Variants in GJA9 observed in about 807,000 individuals in gnomAD.
The protein encoded by GJA9 is gap junction protein alpha 9, also known as gap junction alpha-9 protein.
A neutral mutation model predicts 0.4 loss-of-function variants in GJA9; 1 was observed. The observed-to-expected ratio is 2.50, with a 90% CI of 0.89 to 11.88. GJA9 has a LOEUF of 11.88. GJA9 is among the 30% of genes most tolerant of loss of function. The pLI is 0.12. For missense variants in GJA9, 550 were observed against 602.8 expected (o/e 0.91, Z 0.92); for synonymous variants, 190 against 219.1 (o/e 0.87, Z 1.17).
rs1642542033 is a variant in GJA9 at position 38,874,496 on chromosome 1, G to C, written c.*55C>G. On this transcript the variant is annotated 3_prime_UTR_variant, in exon 2 of 2. Coordinates refer to ENST00000357771, the MANE Select transcript of GJA9 (RefSeq NM_030772.5). Reference sequence around the variant, plus strand: ...CCTATCTATTTTTTCTGTGCCCCACGACCACTAGGCTACTTCTCTGATAAT... The same window carrying C: ...CCTATCTATTTTTTCTGTGCCCCACCACCACTAGGCTACTTCTCTGATAAT... 7.2e-7 allele frequency: 1 copy of C among 1,386,548 alleles called. No homozygotes were observed. Among genetic ancestry groups the C allele is most frequent in the Non-Finnish European group, 1.0e-6 (1 of 999,046 alleles). The allele number at this position is 1,386,548 out of a possible 1,614,324, so 85.9% of individuals were successfully genotyped here.
At chr1:38,881,114 A>G (rs1046142932) in intron 1 of GJA9, among the ~76,000 whole-genome samples, 1 of 152,198 alleles carries the variant, frequency 6.6e-6, no homozygotes. Context: ...TGAAAATATT[A>G]ACGGTGATTA....
chr1:38,878,056 C>A (rs74898928), intron 1 of GJA9, among the ~76,000 whole-genome samples: 3,553 of 151,428 alleles, frequency 0.023, 143 homozygotes, highest in African/African-American at 0.079. Context: ...TTATACTTTA[C>A]TATGAAAAAG....
At position 38,876,210 on chromosome 1, in the gene GJA9, A is replaced by G; in HGVS notation, c.-95-17T>C. The G allele has an allele frequency of 1.2e-6, 1 of 806,774 alleles. No homozygotes were observed. Among genetic ancestry groups the G allele is most frequent in the Non-Finnish European group, 2.0e-6 (1 of 492,760 alleles). 50.0% of individuals were successfully genotyped at this position (806,774 alleles called of 1,614,324 possible). A position where few individuals can be genotyped will look rare whatever the true frequency, so the allele number is the denominator to read the frequency against. On this transcript the variant is annotated splice_polypyrimidine_tract_variant and intron_variant, in intron 1 of 1. Coordinates refer to ENST00000357771, the MANE Select transcript of GJA9 (RefSeq NM_030772.5). Reference sequence around the variant, plus strand: ...AAAGCAAACCTATGGTGAAAATATAACAATATGTCACTTCTATATGCTGGT... The same window carrying G: ...AAAGCAAACCTATGGTGAAAATATAGCAATATGTCACTTCTATATGCTGGT...
intron 1 of GJA9, among the ~76,000 whole-genome samples, chr1:38,878,216 C>T (rs948614641): frequency 2.0e-5 from 3 of 151,764 alleles, no homozygotes; most frequent in African/African-American, 7.3e-5. Context: ...GTAGCTGAGA[C>T]TACAGGCAAG....
chr1:38,880,630 A>T (rs967625602), intron 1 of GJA9, among the ~76,000 whole-genome samples: 6 of 151,364 alleles, frequency 4.0e-5, no homozygotes, highest in African/African-American at 1.5e-4. Flanking sequence ...AAAAATACAA[A>T]AATTAGCCGG....
chr1:38,874,751 C>T lies in GJA9; in HGVS notation c.1348G>A (p.Gly450Ser), dbSNP rs148366607. 196 of 1,614,032 alleles carry T rather than the reference C, an allele frequency of 1.2e-4. No homozygotes were observed. The highest frequency in any genetic ancestry group is 1.6e-4 in the Non-Finnish European group (183 of 1,180,034). ...GAAGGAGGAAGGGTTCTGACTGTGC[C>T]CTTTCTGAACTGGCCCTTGAGGTTA... Reference protein sequence around the residue: ...KGNLKGQFRKGTVRTLPPSQG... With the variant: ...KGNLKGQFRKSTVRTLPPSQG... The change falls in exon 2 of 2, where the codon GGC becomes AGC. Residue 450 changes from glycine (G) to serine (S), a missense_variant. By Grantham distance (56) the Gly-to-Ser change is moderately conservative. Transcript: ENST00000357771.
At chr1:38,880,744 T>C (rs1219678402) in intron 1 of GJA9, among the ~76,000 whole-genome samples, 7 of 151,980 alleles carry the variant, frequency 4.6e-5, no homozygotes, top group Admixed American at 4.6e-4. Flanking sequence ...ATCTGGCCAC[T>C]GCATTCCAGC....
rs1642554075 is a variant in GJA9, at chr1:38,874,927, G to A, written c.1172C>T (p.Pro391Leu). The A allele has an allele frequency of 6.2e-7, 1 of 1,614,044 alleles. No individual in the cohort carries two copies. The highest frequency in any genetic ancestry group is 8.5e-7 in the Non-Finnish European group (1 of 1,180,034). ...NYYSRGHRSI[P>L]GVAIDGENNM... Reference sequence around the variant, plus strand: ...GTTCTCTCCATCTATAGCAACACCTGGAATAGAACGGTGACCTCTAGAGTA... The same window carrying A: ...GTTCTCTCCATCTATAGCAACACCTAGAATAGAACGGTGACCTCTAGAGTA... The change falls in exon 2 of 2, where the codon CCA becomes CTA. Residue 391 changes from proline (P) to leucine (L), a missense_variant. Physicochemically the swap from Pro to Leu is moderately conservative, Grantham distance 98. Transcript: ENST00000357771.
Position 38,874,843 on chromosome 1 carries a change from G to C in GJA9, c.1256C>G (p.Pro419Arg), listed in dbSNP as rs759501444. ...ACCCCATGTAGCTCTAAGCCACCGC[G>C]GTTTCCAATCGCAGTTAGCTGGCAA... is the stretch of plus-strand genomic sequence containing the variant. ...FSLPANCDWKPRWLRATWGSS... is the reference protein window; with the variant it reads ...FSLPANCDWKRRWLRATWGSS... Residue 419 changes from proline to arginine, a missense_variant, in exon 2 of 2, where the codon CCG becomes CGG. Coordinates refer to ENST00000357771, the MANE Select transcript of GJA9 (RefSeq NM_030772.5). 9.9e-6 allele frequency: 16 copies of C among 1,614,090 alleles called. 1 individual carries two copies. The South Asian group carries it at 1.8e-4, about 18-fold the overall frequency.
In GJA9 at chr1:38,875,657, G is replaced by C; in HGVS notation, c.442C>G (p.Pro148Ala). 1 of 1,614,192 alleles carries C rather than the reference G, an allele frequency of 6.2e-7. No homozygotes were observed. Among genetic ancestry groups the C allele is most frequent in the Admixed American group, 1.7e-5 (1 of 60,018 alleles). ...QLEKRKLNKA[P>A]LRGTLLCTYV... ...GTGCAAAGCAAGGTTCCTCTGAGTG[G>C]AGCTTTATTTAGTTTCCTTTTCTCC... The change falls in exon 2 of 2, where the codon CCA becomes GCA. Residue 148 changes from proline (P) to alanine (A), a missense_variant. Physicochemically the swap from Pro to Ala is conservative, Grantham distance 27 (BLOSUM62 -1). Coordinates refer to ENST00000357771, the MANE Select transcript of GJA9 (RefSeq NM_030772.5).
At chr1:38,881,314 G>A (rs1392619911) in intron 1 of GJA9, 118 bp downstream of exon 1, 1 of 512,426 alleles carries the variant, frequency 2.0e-6, no homozygotes, top group Non-Finnish European at 3.4e-6. Flanking sequence ...AGCTTTCATA[G>A]CAAATGACAT....
intron 1 of GJA9, among the ~76,000 whole-genome samples, chr1:38,878,267 C>T (rs1207476569): frequency 6.6e-6 from 1 of 151,720 alleles, no homozygotes; most frequent in Non-Finnish European, 1.5e-5. Context: ...TTAGTAGAGA[C>T]GGGGTTTCAC....
chr1:38,875,190 A>G lies in GJA9; in HGVS notation c.909T>C (p.Ser303=), dbSNP rs874243. 0.19 allele frequency: 312,781 copies of G among 1,613,926 alleles called. 32,844 individuals are homozygous for G. The highest frequency in any genetic ancestry group is 0.22 in the Non-Finnish European group (258,702 of 1,179,844). ...TGTCAGGATTTGGCTGGAATACAGAAGATGAATTTAAACTAGGGTACACTG... is the reference window on the plus strand; with the variant it reads ...TGTCAGGATTTGGCTGGAATACAGAGGATGAATTTAAACTAGGGTACACTG... ...HTAVYPSLNS[S]SVFQPNPDNH... The change falls in exon 2 of 2, where the codon TCT becomes TCC. Residue 303 remains serine (S), a synonymous_variant. Coordinates refer to ENST00000357771, the MANE Select transcript of GJA9 (RefSeq NM_030772.5).
In GJA9 at chr1:38,874,740, T is replaced by C. The variant is rs766407601; in HGVS notation, c.1359A>G (p.Arg453=). The part of the protein sequence containing the change: ...LKGQFRKGTV[R]TLPPSQGDSQ... Reference sequence around the variant, plus strand: ...AATCTCCTTGTGAAGGAGGAAGGGTTCTGACTGTGCCCTTTCTGAACTGGC... The same window carrying C: ...AATCTCCTTGTGAAGGAGGAAGGGTCCTGACTGTGCCCTTTCTGAACTGGC... Residue 453 remains arginine, a synonymous_variant, in exon 2 of 2, where the codon AGA becomes AGG. Coordinates refer to ENST00000357771, the MANE Select transcript of GJA9 (RefSeq NM_030772.5). The C allele has an allele frequency of 9.3e-6, 15 of 1,614,098 alleles. No homozygotes were observed. The African/African-American group carries it at 1.5e-4, about 16-fold the overall frequency.
chr1:38,880,568 G>A (rs967238498), intron 1 of GJA9, among the ~76,000 whole-genome samples: 11 of 151,148 alleles, frequency 7.3e-5, no homozygotes, highest in Admixed American at 2.0e-4. Flanking sequence ...CGGATTACGA[G>A]GTCAGGAGTT....
chr1:38,875,350 T>G lies in GJA9; in HGVS notation c.749A>C (p.Lys250Thr). 6.2e-7 allele frequency: 1 copy of G among 1,614,238 alleles called. No individual in the cohort carries two copies. The highest frequency in any genetic ancestry group is 8.5e-7 in the Non-Finnish European group (1 of 1,180,044). Residue 250 changes from lysine (K) to threonine (T), a missense_variant, in exon 2 of 2, where the codon AAG becomes ACG. Physicochemically the swap from Lys to Thr is moderately conservative, Grantham distance 78. Coordinates refer to ENST00000357771, the MANE Select transcript of GJA9 (RefSeq NM_030772.5). ...RGLWGKYKLK[K>T]EHNEFHANKA... ...GTTTGCATGGAATTCATTATGTTCC[T>G]TCTTCAACTTGTATTTTCCCCAAAG...
intron 1 of GJA9, among the ~76,000 whole-genome samples, chr1:38,880,451 A>G (rs189796990): frequency 7.4e-4 from 101 of 136,328 alleles, no homozygotes; most frequent in Middle Eastern, 4.1e-3. Flanking sequence ...AATAATAATA[A>G]TAGCATACTC....
rs758439240 is a variant in GJA9 at position 38,874,882 on chromosome 1, T to C, written c.1217A>G (p.Gln406Arg). ...GTTAGCTGGCAAGGAGAAAACTGTT[T>C]GGGGTGACTGCCTCATGTTGTTCTC... ...DGENNMRQSP[Q>R]TVFSLPANCD... Residue 406 changes from glutamine to arginine, a missense_variant, in exon 2 of 2, where the codon CAA becomes CGA. Transcript: ENST00000357771. 6.8e-6 allele frequency: 11 copies of C among 1,614,092 alleles called. No homozygotes were observed. The Admixed American group carries it at 1.2e-4, about 17-fold the overall frequency.
intron 1 of GJA9, among the ~76,000 whole-genome samples, chr1:38,876,517 A>G (rs1055262081): frequency 6.6e-6 from 1 of 152,086 alleles, no homozygotes; most frequent in Non-Finnish European, 1.5e-5. Flanking sequence ...GACTCAAGTG[A>G]TCCTCTTGCC....
Sources: gnomAD v4.1 joint callset for allele counts (sites outside exome capture counted in the v4.1 genomes callset) on GRCh38, gnomAD v4.1.1 for gene constraint, MANE v1.5 for transcripts, NCBI Gene and HGNC (gene_info 2026-07-23, HGNC 2026-07-21) for gene names.